Variants in STXBP5L observed in about 807,000 individuals in gnomAD.
The protein encoded by STXBP5L is syntaxin-binding protein 5-like.
In STXBP5L, 65 loss-of-function variants were observed where a neutral mutation model predicts 144.5. The ratio of observed to expected loss-of-function variants is 0.45; its 90% CI spans 0.37 to 0.55. The LOEUF (loss-of-function observed/expected upper bound fraction) is 0.55, where lower values mean the gene tolerates loss of function less well. Ranked by LOEUF, STXBP5L falls within the 20% of genes least tolerant of loss-of-function variation. The pLI, the probability that STXBP5L is intolerant of heterozygous loss-of-function variation, is 0.00. For synonymous variants in STXBP5L, 505 were observed against 469.6 expected (o/e 1.08, Z -0.97); for missense variants, 1,298 against 1,405.5 (o/e 0.92, Z 1.22).
intron 3 of STXBP5L, among the ~76,000 whole-genome samples, chr3:121,029,905 A>T (rs546205148): frequency 1.3e-5 from 2 of 152,168 alleles, no homozygotes; most frequent in Non-Finnish European, 2.9e-5. Flanking sequence ...GACATTTATG[A>T]GGCCCACATA....
chr3:121,309,394 C>G (rs2108508650), intron 19 of STXBP5L, among the ~76,000 whole-genome samples: 2 of 152,028 alleles, frequency 1.3e-5, no homozygotes, highest in South Asian at 4.1e-4. Flanking sequence ...CAGAATGTCA[C>G]TAGAATAAAA....
At chr3:121,028,218 T>C (rs568862207) in intron 3 of STXBP5L, among the ~76,000 whole-genome samples, 2 of 152,212 alleles carry the variant, frequency 1.3e-5, no homozygotes, top group African/African-American at 4.8e-5. Flanking sequence ...AGTTTAGAAG[T>C]ATTAAGTGGA....
chr3:121,035,530 T>A (rs1946688967), intron 3 of STXBP5L, among the ~76,000 whole-genome samples: 1 of 150,914 alleles, frequency 6.6e-6, no homozygotes, highest in Non-Finnish European at 1.5e-5. Context: ...GATATGTGGC[T>A]TTATTTCTGG....
At position 121,337,042 on chromosome 3, in the gene STXBP5L, C is replaced by A. The variant is rs1360721179; in HGVS notation, c.2176+18502C>A. Reference sequence around the variant, plus strand: ...GCATGTTCTCATTTACAAGTGGGAGCTAAATGATGAGAACACGTGGACACA... The same window carrying A: ...GCATGTTCTCATTTACAAGTGGGAGATAAATGATGAGAACACGTGGACACA... On this transcript the variant is annotated intron_variant, in intron 20 of 26. Coordinates refer to ENST00000471454, the MANE Select transcript of STXBP5L (RefSeq NM_001308330.2). Among the ~76,000 whole-genome samples the A allele has an allele frequency of 3.3e-5, 5 of 152,044 alleles. No homozygotes were observed. The South Asian group carries it at 1.0e-3, about 32-fold the overall frequency.
chr3:121,188,077 A>G (rs184216219), intron 9 of STXBP5L, among the ~76,000 whole-genome samples: 1 of 152,262 alleles, frequency 6.6e-6, no homozygotes, highest in East Asian at 1.9e-4. Flanking sequence ...ACTCCCACAC[A>G]ATGTTAGTGG....
At chr3:121,418,217 A>C in intron 25 of STXBP5L, 120 bp from the exon 26 acceptor site, 1 of 1,159,790 alleles carries the variant, frequency 8.6e-7, no homozygotes, top group Non-Finnish European at 1.2e-6. Context: ...ACCAAATAAG[A>C]CTCTCTTTTA....
intron 19 of STXBP5L, among the ~76,000 whole-genome samples, chr3:121,284,501 T>G (rs1390791429): frequency 6.6e-6 from 1 of 152,068 alleles, no homozygotes; most frequent in Non-Finnish European, 1.5e-5. Context: ...GCTACTTACT[T>G]TTATACTTTT....
chr3:121,244,282 C>T (rs2049768159), intron 14 of STXBP5L, among the ~76,000 whole-genome samples: 1 of 151,442 alleles, frequency 6.6e-6, no homozygotes, highest in African/African-American at 2.4e-5. Context: ...AAATTCATTA[C>T]AGAGTGTCAA....
At chr3:120,977,804 A>C (rs1941256085) in intron 3 of STXBP5L, among the ~76,000 whole-genome samples, 2 of 152,126 alleles carry the variant, frequency 1.3e-5, no homozygotes, top group African/African-American at 4.8e-5. Flanking sequence ...TCATTTATGA[A>C]GCTTAGTTTG....
intron 20 of STXBP5L, among the ~76,000 whole-genome samples, chr3:121,367,543 G>A (rs2045895542): frequency 1.4e-5 from 2 of 145,320 alleles, no homozygotes; most frequent in Non-Finnish European, 3.0e-5. Context: ...TGTATATGAT[G>A]AGTCACTTCT....
chr3:121,119,101 G>T (rs1163876663), intron 6 of STXBP5L, among the ~76,000 whole-genome samples: 1 of 151,440 alleles, frequency 6.6e-6, no homozygotes, highest in Non-Finnish European at 1.5e-5. Flanking sequence ...ATGACTCATA[G>T]ATATATTTTG....
At chr3:121,417,835 A>C (rs112487887) in intron 25 of STXBP5L, among the ~76,000 whole-genome samples, 2,204 of 152,312 alleles carry the variant, frequency 0.014, 50 homozygotes, top group African/African-American at 0.05. Context: ...TTTTTAACAC[A>C]CATAACCATC....
chr3:120,987,656 C>G (rs1942418301), intron 3 of STXBP5L, among the ~76,000 whole-genome samples: 1 of 151,794 alleles, frequency 6.6e-6, no homozygotes, highest in Non-Finnish European at 1.5e-5. Flanking sequence ...GGTTTCACCT[C>G]TTAGAATTCT....
chr3:121,281,381 C>T (rs1351384162), intron 19 of STXBP5L, among the ~76,000 whole-genome samples: 1 of 151,946 alleles, frequency 6.6e-6, no homozygotes, highest in Non-Finnish European at 1.5e-5. Context: ...AAATAACAAG[C>T]AACTGTACAT....
chr3:121,009,535 C>T (rs190230248), intron 3 of STXBP5L, among the ~76,000 whole-genome samples: 2 of 151,984 alleles, frequency 1.3e-5, no homozygotes, highest in Admixed American at 6.6e-5. Context: ...TCATTTATTA[C>T]TGTACCACCT....
intron 3 of STXBP5L, among the ~76,000 whole-genome samples, chr3:120,962,423 T>G (rs9826889): frequency 0.52 from 78,295 of 152,014 alleles, 20,612 homozygotes; most frequent in Admixed American, 0.6. Flanking sequence ...TCACATGTAA[T>G]TCTTTAATCC....
At chr3:121,329,801 A>G (rs1385555009) in intron 20 of STXBP5L, among the ~76,000 whole-genome samples, 2 of 152,158 alleles carry the variant, frequency 1.3e-5, no homozygotes, top group Non-Finnish European at 2.9e-5. Flanking sequence ...AGGAGGATGC[A>G]GTGAGCCGAT....
chr3:121,207,103 A>G lies in STXBP5L; in HGVS notation c.956+1102A>G, dbSNP rs150699463. Among the ~76,000 whole-genome samples, 206 of 152,304 alleles carry G rather than the reference A, an allele frequency of 1.4e-3. 3 individuals carry two copies. In the East Asian group the frequency reaches 0.034, roughly 25 times the overall value. The stretch of plus-strand genomic sequence containing the variant: ...AACCTGTTATTTTATCTATATATAG[A>G]TATCTCTTTAGCCTACTATGCATTC... On this transcript the variant is annotated intron_variant, in intron 10 of 26. Coordinates refer to ENST00000471454, the MANE Select transcript of STXBP5L (RefSeq NM_001308330.2).
At chr3:121,084,994 G>T (rs1408736433) in intron 5 of STXBP5L, among the ~76,000 whole-genome samples, 1 of 150,232 alleles carries the variant, frequency 6.7e-6, no homozygotes, top group Admixed American at 6.8e-5. Context: ...TCATGTGTTT[G>T]TCAACCGCAT....
Sources: gnomAD v4.1 joint callset for allele counts (sites outside exome capture counted in the v4.1 genomes callset) on GRCh38, gnomAD v4.1.1 for gene constraint, MANE v1.5 for transcripts, NCBI Gene and HGNC (gene_info 2026-07-23, HGNC 2026-07-21) for gene names.